POLD1: variants seen among roughly 807,000 people sequenced by gnomAD.
The protein encoded by POLD1 is DNA polymerase delta catalytic subunit.
A neutral mutation model predicts 129.7 loss-of-function variants in POLD1; 79 were observed. The observed-to-expected ratio is 0.61, with a 90% confidence interval of 0.51 to 0.73. The LOEUF is 0.73. Ranked by LOEUF, POLD1 falls within the 30% of genes least tolerant of loss-of-function variation. The probability of loss-of-function intolerance (pLI) is 0.00; values close to 1 mark genes in which losing one functional copy is unlikely to be tolerated. For missense variants in POLD1, 1,338 were observed against 1,595.8 expected, an observed-to-expected ratio of 0.84 and a Z score of 2.75; for synonymous variants, 714 against 683.3, an observed-to-expected ratio of 1.04 and a Z score of -0.70.
At position 50,417,270 on chromosome 19, in the gene POLD1, G is replaced by A. The variant is rs1484837283; in HGVS notation, c.3218+1G>A. On this transcript the variant is annotated splice_donor_variant, in intron 26 of 26. Coordinates refer to ENST00000440232, the MANE Select transcript of POLD1 (RefSeq NM_002691.4). LOFTEE classifies it high-confidence loss of function. ...TGCACGAGGACGTCATCTGCACCAGGTGTGTGCCATGTCCCGACCCTGGGC... is the reference window on the plus strand; with the variant it reads ...TGCACGAGGACGTCATCTGCACCAGATGTGTGCCATGTCCCGACCCTGGGC... 1 of 1,587,740 alleles carries A rather than the reference G, an allele frequency of 6.3e-7. No homozygotes were observed. The highest frequency in any genetic ancestry group is 8.5e-7 in the Non-Finnish European group (1 of 1,169,970).
chr19:50,407,694 G>T (rs2038946607), intron 14 of POLD1, among the ~76,000 whole-genome samples: 1 of 149,240 alleles, frequency 6.7e-6, no homozygotes, highest in Non-Finnish European at 1.5e-5. Context: ...CAGCAGCTGG[G>T]ACTACAGGCG....
chr19:50,412,960 C>G (rs2039138717), intron 17 of POLD1, among the ~76,000 whole-genome samples: 1 of 152,116 alleles, frequency 6.6e-6, no homozygotes, highest in Admixed American at 6.5e-5. Context: ...GTTTCTTAGT[C>G]AGGGTGGTGC....
intron 1 of POLD1, among the ~76,000 whole-genome samples, chr19:50,397,570 A>G (rs1007898501): frequency 2.0e-5 from 3 of 151,490 alleles, no homozygotes; most frequent in Non-Finnish European, 2.9e-5. Context: ...TCACCTGGCT[A>G]ATTTTTGTAT....
chr19:50,404,858 G>A (rs1368577640), intron 10 of POLD1, among the ~76,000 whole-genome samples: 1 of 123,398 alleles, frequency 8.1e-6, no homozygotes, highest in African/African-American at 6.3e-5. Flanking sequence ...AGGGGGCGCT[G>A]GGGTGTAGAA....
intron 10 of POLD1, 24 bp downstream of exon 10, chr19:50,403,621 C>G (rs1232470667): frequency 6.7e-7 from 1 of 1,490,230 alleles, no homozygotes; most frequent in Non-Finnish European, 9.4e-7. Flanking sequence ...AGGTGGGAGG[C>G]TTCTCTCAGA....
At chr19:50,401,268 TATTA>T (rs549288004) in intron 3 of POLD1, among the ~76,000 whole-genome samples, 425 of 146,666 alleles carry the variant, frequency 2.9e-3, no homozygotes, top group African/African-American at 9.8e-3. Context: ...ATTCTTTATG[TATTA>T]ATTTATGTAT....
At chr19:50,416,318 C>G (rs1226119864) in intron 22 of POLD1, 78 bp from the exon 23 acceptor site, 1 of 1,484,290 alleles carries the variant, frequency 6.7e-7, no homozygotes, top group Admixed American at 2.0e-5. Flanking sequence ...GCCCTAAGCC[C>G]CAGGCCCCAT....
At chr19:50,384,951 G>C (rs2037920273) in intron 1 of POLD1, among the ~76,000 whole-genome samples, 2 of 152,222 alleles carry the variant, frequency 1.3e-5, no homozygotes, top group Admixed American at 1.3e-4. Flanking sequence ...GCAAAGCCCT[G>C]AGGTGGAAGG....
intron 17 of POLD1, among the ~76,000 whole-genome samples, chr19:50,412,262 C>T (rs1053374359): frequency 6.6e-6 from 1 of 152,138 alleles, no homozygotes; most frequent in African/African-American, 2.4e-5. Flanking sequence ...AAGTGATTCT[C>T]CTGCCTCAGC....
At chr19:50,395,356 G>A (rs1601179398) in intron 1 of POLD1, among the ~76,000 whole-genome samples, 1 of 152,124 alleles carries the variant, frequency 6.6e-6, no homozygotes, top group East Asian at 2.0e-4. Flanking sequence ...AGCACTTCGG[G>A]AGGCCGAGGC....
At chr19:50,411,839 CAAAAA>C (rs34036962) in intron 17 of POLD1, among the ~76,000 whole-genome samples, 4 of 129,768 alleles carry the variant, frequency 3.1e-5, no homozygotes, top group African/African-American at 1.1e-4. Context: ...AACTCCGTCT[CAAAAA>C]AAAAAAAAAG....
rs764364345 is a variant in POLD1 at position 50,402,338 on chromosome 19, C to T, written c.723C>T (p.Phe241=). 15 of 1,610,990 alleles carry T rather than the reference C, an allele frequency of 9.3e-6. No homozygotes were observed. Among genetic ancestry groups the T allele is most frequent in the East Asian group, 6.7e-5 (3 of 44,834 alleles). Residue 241 remains phenylalanine, a synonymous_variant, in exon 6 of 27, where the codon TTC becomes TTT. Transcript: ENST00000440232. The part of the protein sequence containing the change: ...IRVAGLGTPS[F]APYEANVDFE... ...TGGCAGGCCTGGGCACGCCCAGCTT[C>T]GCGCCCTACGAGGCCAACGTCGACT...
chr19:50,414,769 G>GCTTGGCCTCCTCAGGCTCAGGGT (rs746681206), intron 19 of POLD1, 46 bp from the exon 20 acceptor site: 2 of 1,435,174 alleles, frequency 1.4e-6, no homozygotes, highest in Non-Finnish European at 1.9e-6. Context: ...CCAGATTGGG[G>GCTTGGCCTCCTCAGGCTCAGGGT]CTTGGCCTCC....
In POLD1 at chr19:50,416,407, C is replaced by G. The variant is rs143974331; in HGVS notation, c.2832C>G (p.Phe944Leu). 3 of 1,549,284 alleles carry G rather than the reference C, an allele frequency of 1.9e-6. No homozygotes were observed. Among genetic ancestry groups the G allele is most frequent in the Non-Finnish European group, 2.6e-6 (3 of 1,147,160 alleles). The part of the protein sequence containing the change: ...AAYMKSEDPL[F>L]VLEHSLPIDT... ...CCATGTGGCCGCAGGACCCGCTGTTCGTGCTGGAGCACAGCCTGCCCATTG... is the reference window on the plus strand; with the variant it reads ...CCATGTGGCCGCAGGACCCGCTGTTGGTGCTGGAGCACAGCCTGCCCATTG... Residue 944 changes from phenylalanine to leucine, a missense_variant, in exon 23 of 27, where the codon TTC becomes TTG. This residue lies in a region of POLD1 where 286 missense variants were observed against 277.5 expected (regional missense o/e 1.03). Coordinates refer to ENST00000440232, the MANE Select transcript of POLD1 (RefSeq NM_002691.4).
intron 1 of POLD1, among the ~76,000 whole-genome samples, chr19:50,396,149 C>G (rs895482430): frequency 1.3e-5 from 2 of 149,370 alleles, no homozygotes; most frequent in African/African-American, 5.0e-5. Flanking sequence ...TGCAGTGGCG[C>G]GATCTCGGCT....
At chr19:50,400,938 C>T (rs557633493) in intron 3 of POLD1, among the ~76,000 whole-genome samples, 38 of 148,046 alleles carry the variant, frequency 2.6e-4, no homozygotes, top group African/African-American at 6.0e-4. Flanking sequence ...CCTCGTGATC[C>T]GCCCGCCTCA....
chr19:50,397,871 C>T (rs901049138), intron 1 of POLD1, among the ~76,000 whole-genome samples: 1 of 152,066 alleles, frequency 6.6e-6, no homozygotes, highest in South Asian at 2.1e-4. Flanking sequence ...GGGAAAGGTG[C>T]CCTTTATTTT....
At position 50,402,539 on chromosome 19, in the gene POLD1, C is replaced by T. The variant is rs780257283; in HGVS notation, c.840+4C>T. 4.4e-6 allele frequency: 7 copies of T among 1,587,542 alleles called. No homozygotes were observed. The highest frequency in any genetic ancestry group is 6.0e-6 in the Non-Finnish European group (7 of 1,167,160). On this transcript the variant is annotated splice_donor_region_variant and intron_variant, in intron 7 of 26. Transcript: ENST00000440232. ...CGCCCTGAGGCTGAAGGAGAAGGTG[C>T]AGGGCTTCCCAGGGCAGGGCTGGGT...
At chr19:50,414,026 T>C in intron 19 of POLD1, 147 bp downstream of exon 19, 1 of 801,822 alleles carries the variant, frequency 1.2e-6, no homozygotes, top group Non-Finnish European at 1.8e-6. Flanking sequence ...TTGGGAAGCC[T>C]CCAAGGCCTT....
Sources: gnomAD v4.1 joint callset for allele counts (sites outside exome capture counted in the v4.1 genomes callset) on GRCh38, gnomAD v4.1.1 for gene constraint, gnomAD v4.1.1 regional missense constraint, MANE v1.5 for transcripts, NCBI Gene and HGNC (gene_info 2026-07-23, HGNC 2026-07-21) for gene names.